Variants in IL2RA observed in about 807,000 individuals in gnomAD.
The protein encoded by IL2RA is interleukin 2 receptor subunit alpha, also known as interleukin-2 receptor subunit alpha.
In IL2RA, 24 loss-of-function variants were observed where a neutral mutation model predicts 37.8. That is an observed-to-expected ratio of 0.63 (90% confidence interval 0.46 to 0.89). The LOEUF is 0.89. IL2RA is among the 40% of genes least tolerant of loss of function. The probability of loss-of-function intolerance (pLI) is 0.00; values close to 1 mark genes in which losing one functional copy is unlikely to be tolerated. For missense variants in IL2RA, 319 were observed against 348.6 expected (o/e 0.92, Z 0.68); for synonymous variants, 125 against 114.6 (o/e 1.09, Z -0.58).
chr10:6,023,271 A>C (rs1839418239), intron 3 of IL2RA, among the ~76,000 whole-genome samples: 1 of 152,212 alleles, frequency 6.6e-6, no homozygotes, highest in African/African-American at 2.4e-5. Context: ...AAGTCTCCTA[A>C]GGCTAGCCTG....
intron 1 of IL2RA, among the ~76,000 whole-genome samples, chr10:6,049,874 C>T (rs932921947): frequency 5.3e-5 from 8 of 152,148 alleles, no homozygotes; most frequent in African/African-American, 7.2e-5. Context: ...GGAAAAATTC[C>T]GGTAGGCAGA....
chr10:6,037,865 G>A (rs1255724135), intron 1 of IL2RA, among the ~76,000 whole-genome samples: 1 of 152,132 alleles, frequency 6.6e-6, no homozygotes, highest in Non-Finnish European at 1.5e-5. Flanking sequence ...GGAGCCAGAG[G>A]CTATCTTTGA....
rs1003007831 is a variant in IL2RA at position 6,029,422 on chromosome 10, C to T, written c.65-3397G>A. On this transcript the variant is annotated intron_variant, in intron 1 of 7. Coordinates refer to ENST00000379959, the MANE Select transcript of IL2RA (RefSeq NM_000417.3). This position sits in a 1 kb window ranked among gnomAD's most constrained non-coding sequence, Gnocchi z 4.6. ...TCAGGTGATCCACCTGCCTCGGCCT[C>T]CCAAAGTGCTAGGATTACAGGAGTG... Among the ~76,000 whole-genome samples the T allele has an allele frequency of 6.6e-6, 1 of 152,010 alleles. No homozygotes were observed. The highest frequency in any genetic ancestry group is 2.4e-5 in the African/African-American group (1 of 41,358).
intron 1 of IL2RA, among the ~76,000 whole-genome samples, chr10:6,052,715 C>T (rs542495371): frequency 5.9e-5 from 9 of 152,154 alleles, no homozygotes; most frequent in Non-Finnish European, 1.0e-4. Flanking sequence ...CAGAAAGCAG[C>T]GGCTTCTGAA....
intron 1 of IL2RA, among the ~76,000 whole-genome samples, chr10:6,045,061 G>A (rs1839828271): frequency 6.6e-6 from 1 of 152,224 alleles, no homozygotes; most frequent in Non-Finnish European, 1.5e-5. Context: ...ATTCCCTCGG[G>A]AAAGGAGAAG....
chr10:6,031,467 T>C (rs1444126405), intron 1 of IL2RA, among the ~76,000 whole-genome samples: 12 of 12,610 alleles, frequency 9.5e-4, no homozygotes, highest in South Asian at 2.8e-3. Flanking sequence ...TATATATATA[T>C]ATATATATAT....
chr10:6,023,744 C>T (rs73603910), intron 3 of IL2RA, among the ~76,000 whole-genome samples: 2 of 152,362 alleles, frequency 1.3e-5, no homozygotes, highest in African/African-American at 2.4e-5. Context: ...CCAGGACACA[C>T]GCATCTGGAG....
intron 1 of IL2RA, among the ~76,000 whole-genome samples, chr10:6,043,117 A>G (rs111232064): frequency 1.3e-4 from 20 of 152,346 alleles, no homozygotes; most frequent in African/African-American, 4.8e-4. Context: ...ATTGTCCATC[A>G]AAAGAAGGTT....
intron 6 of IL2RA, among the ~76,000 whole-genome samples, chr10:6,019,204 C>T (rs1839334404): frequency 6.6e-6 from 1 of 152,146 alleles, no homozygotes; most frequent in Admixed American, 6.6e-5. Flanking sequence ...ACTAACCTAC[C>T]AACATACAAA....
rs12243549 is a variant in IL2RA at position 6,015,478 on chromosome 10, T to C, written c.794+2575A>G. Among the ~76,000 whole-genome samples the C allele has an allele frequency of 0.018, 2,706 of 152,286 alleles. 101 individuals are homozygous for C. The highest frequency in any genetic ancestry group is 0.062 in the African/African-American group (2,574 of 41,542). ...GCGTCAGTATCACCTGGGAACCTGATAGAAATACAGATTCCTGGACCTAAG... is the reference window on the plus strand; with the variant it reads ...GCGTCAGTATCACCTGGGAACCTGACAGAAATACAGATTCCTGGACCTAAG... On this transcript the variant is annotated intron_variant, in intron 7 of 7. Coordinates refer to ENST00000379959, the MANE Select transcript of IL2RA (RefSeq NM_000417.3). The surrounding 1 kb of genome is among the most constrained non-coding windows in gnomAD (Gnocchi z 4.9).
chr10:6,055,334 A>G (rs1840026557), intron 1 of IL2RA, among the ~76,000 whole-genome samples: 2 of 152,126 alleles, frequency 1.3e-5, no homozygotes, highest in Non-Finnish European at 2.9e-5. Flanking sequence ...GAAGTATTCA[A>G]GGAACTGGAA....
rs916902068 is a variant in IL2RA at position 6,054,752 on chromosome 10, A to AT, written c.64+7335dup. Reference sequence around the variant, plus strand: ...GGTCCCAGGGCCACCTTCTCTGAGAATTTTTTTTCTAGTTCTCCAGGTAGC... The same window carrying AT: ...GGTCCCAGGGCCACCTTCTCTGAGAATTTTTTTTTCTAGTTCTCCAGGTAGC... On this transcript the variant is annotated intron_variant, in intron 1 of 7. Coordinates refer to ENST00000379959, the MANE Select transcript of IL2RA (RefSeq NM_000417.3). This position sits in a 1 kb window ranked among gnomAD's most constrained non-coding sequence, Gnocchi z 4.5. Among the ~76,000 whole-genome samples the AT allele has an allele frequency of 2.0e-5, 3 of 151,686 alleles. No individual in the cohort carries two copies. The highest frequency in any genetic ancestry group is 4.4e-5 in the Non-Finnish European group (3 of 67,918).
At chr10:6,024,132 G>A in intron 3 of IL2RA, 112 bp downstream of exon 3, 2 of 749,108 alleles carry the variant, frequency 2.7e-6, no homozygotes, top group South Asian at 1.4e-5. Flanking sequence ...GGAGCCACAT[G>A]CATGTGTTTA....
chr10:6,059,391 T>A (rs1442094895), intron 1 of IL2RA, among the ~76,000 whole-genome samples: 2 of 152,196 alleles, frequency 1.3e-5, no homozygotes, highest in Non-Finnish European at 2.9e-5. Context: ...TAGGGGTTCA[T>A]GATATCCATA....
chr10:6,051,299 C>T (rs1183360483), intron 1 of IL2RA, among the ~76,000 whole-genome samples: 2 of 151,796 alleles, frequency 1.3e-5, no homozygotes, highest in Non-Finnish European at 1.5e-5. Context: ...GTGTCATCCC[C>T]AAAACTCCCG....
chr10:6,025,721 G>A lies in IL2RA; in HGVS notation c.256+113C>T. 3 of 999,160 alleles carry A rather than the reference G, an allele frequency of 3.0e-6. No homozygotes were observed. The highest frequency in any genetic ancestry group is 2.8e-4 in the Middle Eastern group (1 of 3,528). The allele number at this position is 999,160 out of a possible 1,614,324, so 61.9% of individuals were successfully genotyped here. On this transcript the variant is annotated intron_variant, in intron 2 of 7. Transcript: ENST00000379959. This position sits in a 1 kb window ranked among gnomAD's most constrained non-coding sequence, Gnocchi z 4.4. ...AGGAACCACTAAAATTAGTTATCCT[G>A]TAGACTGGACTGGCCCATTTGTGTC... is the stretch of plus-strand genomic sequence containing the variant.
chr10:6,039,267 C>A (rs12722515), intron 1 of IL2RA: 19,434 of 152,216 alleles, frequency 0.13, 1,357 homozygotes, highest in Non-Finnish European at 0.16. Context: ...TGTATGCACT[C>A]AAAAACATCA....
In IL2RA at chr10:6,029,260, G is replaced by A. The variant is rs925331869; in HGVS notation, c.65-3235C>T. On this transcript the variant is annotated intron_variant, in intron 1 of 7. Transcript: ENST00000379959. The surrounding 1 kb of genome is among the most constrained non-coding windows in gnomAD (Gnocchi z 4.6). ...ACTCACTGCAACCTCTGCCCCCCGGGTTCAAGCGATTCTCCTGCCTCAGCC... is the reference window on the plus strand; with the variant it reads ...ACTCACTGCAACCTCTGCCCCCCGGATTCAAGCGATTCTCCTGCCTCAGCC... Among the ~76,000 whole-genome samples the A allele has an allele frequency of 2.7e-5, 4 of 150,612 alleles. No individual in the cohort carries two copies.
rs1177767088 is a variant in IL2RA at position 6,048,223 on chromosome 10, C to T, written c.64+13865G>A. Among the ~76,000 whole-genome samples, 9 of 152,100 alleles carry T rather than the reference C, an allele frequency of 5.9e-5. No individual in the cohort carries two copies. The highest frequency in any genetic ancestry group is 1.9e-4 in the African/African-American group (8 of 41,390). The stretch of plus-strand genomic sequence containing the variant: ...AGTAAGCAAGAAGAGGGGTTGCTGG[C>T]GTTAAGAGATTTTAGAAGTTGGAAT... On this transcript the variant is annotated intron_variant, in intron 1 of 7. Coordinates refer to ENST00000379959, the MANE Select transcript of IL2RA (RefSeq NM_000417.3). The surrounding 1 kb of genome is among the most constrained non-coding windows in gnomAD (Gnocchi z 5.3).
Sources: gnomAD v4.1 joint callset for allele counts (sites outside exome capture counted in the v4.1 genomes callset) on GRCh38, gnomAD v4.1.1 for gene constraint, Gnocchi (gnomAD v3.1) non-coding constraint, MANE v1.5 for transcripts, NCBI Gene and HGNC (gene_info 2026-07-23, HGNC 2026-07-21) for gene names.